Variants in CADM2 observed in about 807,000 individuals in gnomAD.
CADM2 encodes immunoglobulin superfamily member 4D.
Under a neutral mutation model 49.8 loss-of-function variants are expected in CADM2, and 12 were observed. The ratio of observed to expected loss-of-function variants is 0.24; its 90% confidence interval spans 0.15 to 0.39. CADM2 has a LOEUF of 0.39. Among genes scored for constraint, CADM2 ranks in the 10% least tolerant of loss-of-function variants. CADM2 has a pLI of 1.00. For synonymous variants in CADM2, 214 were observed against 175.4 expected, an observed-to-expected ratio of 1.22 and a Z score of -1.74; for missense variants, 378 against 492.3, an observed-to-expected ratio of 0.77 and a Z score of 2.20.
At chr3:85,153,335 G>A (rs1241741161) in intron 1 of CADM2, among the ~76,000 whole-genome samples, 1 of 152,140 alleles carries the variant, frequency 6.6e-6, no homozygotes, top group Admixed American at 6.5e-5. Flanking sequence ...GATGGCACCT[G>A]GAAAATTGGG....
At chr3:85,849,345 A>T (rs2075003271) in intron 3 of CADM2, among the ~76,000 whole-genome samples, 1 of 152,138 alleles carries the variant, frequency 6.6e-6, no homozygotes, top group African/African-American at 2.4e-5. Context: ...CTGTTATCTT[A>T]GGAATCGTAT....
chr3:85,270,408 A>G (rs1235330698), intron 1 of CADM2, among the ~76,000 whole-genome samples: 4 of 151,350 alleles, frequency 2.6e-5, no homozygotes, highest in Non-Finnish European at 1.5e-5. Flanking sequence ...TAGTCTAGAC[A>G]TTTTGTGTTT....
intron 1 of CADM2, among the ~76,000 whole-genome samples, chr3:85,681,905 A>G (rs2066049077): frequency 6.6e-6 from 1 of 152,122 alleles, no homozygotes; most frequent in African/African-American, 2.4e-5. Flanking sequence ...TTTCACACAG[A>G]TAGCTTGTTT....
chr3:85,752,368 T>A (rs1207681516), intron 2 of CADM2, among the ~76,000 whole-genome samples: 1 of 151,878 alleles, frequency 6.6e-6, no homozygotes, highest in African/African-American at 2.4e-5. Context: ...GTGGTGTAGA[T>A]CTAGGCAGTC....
intron 8 of CADM2, among the ~76,000 whole-genome samples, chr3:86,022,188 C>G (rs962048537): frequency 1.3e-5 from 2 of 151,956 alleles, no homozygotes; most frequent in Admixed American, 6.6e-5. Flanking sequence ...GTCATTTTAG[C>G]TTTTTAATTA....
chr3:85,166,724 T>G (rs1370732411), intron 1 of CADM2, among the ~76,000 whole-genome samples: 1 of 151,978 alleles, frequency 6.6e-6, no homozygotes, highest in African/African-American at 2.4e-5. Flanking sequence ...TCTGCTTATA[T>G]CAGTAAGTTT....
intron 1 of CADM2, among the ~76,000 whole-genome samples, chr3:85,566,615 G>A (rs879152886): frequency 6.6e-6 from 1 of 152,128 alleles, no homozygotes; most frequent in Non-Finnish European, 1.5e-5. Context: ...ATAACTGGGA[G>A]AATCTAGTAT....
At chr3:85,710,189 C>T (rs548517229) in intron 1 of CADM2, among the ~76,000 whole-genome samples, 1 of 152,188 alleles carries the variant, frequency 6.6e-6, no homozygotes, top group South Asian at 2.1e-4. Context: ...CATAGCATAA[C>T]AAGCTAAAAG....
At chr3:85,908,663 T>C (rs1717139194) in intron 5 of CADM2, among the ~76,000 whole-genome samples, 1 of 152,068 alleles carries the variant, frequency 6.6e-6, no homozygotes, top group East Asian at 1.9e-4. Flanking sequence ...CAGCCATCTT[T>C]GTTTCATCTA....
At chr3:85,462,950 C>T (rs1380195454) in intron 1 of CADM2, among the ~76,000 whole-genome samples, 1 of 152,110 alleles carries the variant, frequency 6.6e-6, no homozygotes, top group Admixed American at 6.5e-5. Flanking sequence ...TTTGGATTCT[C>T]TCCTGTGACC....
At chr3:85,833,841 C>T (rs1278624117) in intron 3 of CADM2, among the ~76,000 whole-genome samples, 1 of 151,478 alleles carries the variant, frequency 6.6e-6, no homozygotes, top group African/African-American at 2.4e-5. Flanking sequence ...TTTTTTGGCT[C>T]TTTGGAGTCT....
intron 1 of CADM2, among the ~76,000 whole-genome samples, chr3:85,464,477 A>C (rs2107596230): frequency 6.6e-6 from 1 of 152,324 alleles, no homozygotes; most frequent in African/African-American, 2.4e-5. Flanking sequence ...GATTTGTAAT[A>C]TAGAAGTAAA....
intron 8 of CADM2, among the ~76,000 whole-genome samples, chr3:86,029,721 A>G (rs1360117292): frequency 6.6e-6 from 1 of 151,970 alleles, no homozygotes; most frequent in Non-Finnish European, 1.5e-5. Context: ...TGTATTCACT[A>G]CTCTGACTTG....
At chr3:85,507,182 ATTTTTTTTT>A (rs71108295) in intron 1 of CADM2, among the ~76,000 whole-genome samples, 2 of 127,252 alleles carry the variant, frequency 1.6e-5, no homozygotes, top group African/African-American at 5.8e-5. Context: ...CACCCAGTGT[ATTTTTTTTT>A]TTTTTTTTTT....
chr3:85,802,726 T>C (rs1237027490), intron 3 of CADM2, among the ~76,000 whole-genome samples: 1 of 152,138 alleles, frequency 6.6e-6, no homozygotes, highest in Non-Finnish European at 1.5e-5. Context: ...AAAGTTGAAT[T>C]GGACTTCATT....
intron 1 of CADM2, among the ~76,000 whole-genome samples, chr3:85,427,430 T>C (rs1306030416): frequency 6.6e-6 from 1 of 151,946 alleles, no homozygotes. Flanking sequence ...GTTAAGCGTC[T>C]AGGTTTTAGC....
chr3:85,911,526 T>G lies in CADM2; in HGVS notation c.530-847T>G, dbSNP rs180707417. Among the ~76,000 whole-genome samples the G allele has an allele frequency of 5.7e-4, 87 of 152,336 alleles. 1 individual carries two copies. Among genetic ancestry groups the G allele is most frequent in the African/African-American group, 2.1e-3 (86 of 41,568 alleles). ...TCACTGCAAATATATACTTAAGTAT[T>G]CAAAATATTCAGATGGCTGTGCTCC... is the stretch of plus-strand genomic sequence containing the variant. On this transcript the variant is annotated intron_variant, in intron 5 of 9. Transcript: ENST00000383699.
At chr3:84,977,756 G>A (rs954255284) in intron 1 of CADM2, among the ~76,000 whole-genome samples, 1 of 152,002 alleles carries the variant, frequency 6.6e-6, no homozygotes, top group Admixed American at 6.6e-5. Flanking sequence ...AAAACAGAGA[G>A]CAATGGTTTC....
chr3:86,035,809 GAT>G (rs1735086235), intron 8 of CADM2, among the ~76,000 whole-genome samples: 1 of 152,034 alleles, frequency 6.6e-6, no homozygotes, highest in African/African-American at 2.4e-5. Context: ...AATAAAATAT[GAT>G]ATACTGGTGG....
Sources: allele counts gnomAD v4.1 joint callset (sites outside exome capture counted in the v4.1 genomes callset), GRCh38; gene constraint gnomAD v4.1.1; transcripts MANE v1.5; gene names NCBI Gene and HGNC (gene_info 2026-07-23, HGNC 2026-07-21).